The following SGIP1 variants were observed in gnomAD, a reference collection of about 807,000 sequenced individuals.
The protein encoded by SGIP1 is SH3GL interacting endocytic adaptor 1, also known as SH3-containing GRB2-like protein 3-interacting protein 1.
A neutral mutation model predicts 107.5 loss-of-function variants in SGIP1; 38 were observed. The ratio of observed to expected loss-of-function variants is 0.35; its 90% confidence interval spans 0.27 to 0.46. The LOEUF (loss-of-function observed/expected upper bound fraction) is 0.46, where lower values mean the gene tolerates loss of function less well. Ranked by LOEUF, SGIP1 falls within the 20% of genes least tolerant of loss-of-function variation. The pLI is 1.00. For missense variants in SGIP1, 929 were observed against 1,019.5 expected, an observed-to-expected ratio of 0.91 and a Z score of 1.21; for synonymous variants, 365 against 366.1, an observed-to-expected ratio of 1.00 and a Z score of 0.03.
intron 13 of SGIP1, among the ~76,000 whole-genome samples, chr1:66,679,423 C>T (rs1285885133): frequency 1.3e-5 from 2 of 152,192 alleles, no homozygotes; most frequent in Non-Finnish European, 2.9e-5. Flanking sequence ...ATCATATTTA[C>T]ATGAATAAAA....
intron 13 of SGIP1, among the ~76,000 whole-genome samples, chr1:66,679,123 G>C (rs1486125711): frequency 6.6e-6 from 1 of 152,140 alleles, no homozygotes; most frequent in Non-Finnish European, 1.5e-5. Flanking sequence ...CAGTTAGTTT[G>C]CTTCTAACTT....
upstream of SGIP1, chr1:66,534,139 C>G (rs1166756568): frequency 1.7e-6 from 1 of 603,626 alleles, no homozygotes; most frequent in Non-Finnish European, 3.0e-6. Context: ...CCGTTCCTCT[C>G]CCTTTCTCTC....
At chr1:66,719,196 T>C in intron 18 of SGIP1, 98 bp from the exon 19 acceptor site, 1 of 698,296 alleles carries the variant, frequency 1.4e-6, no homozygotes, top group African/African-American at 1.8e-5. Flanking sequence ...CATTAAGGGG[T>C]AGATTTTATT....
intron 18 of SGIP1, among the ~76,000 whole-genome samples, chr1:66,706,398 G>A (rs2092513466): frequency 6.9e-6 from 1 of 144,220 alleles, no homozygotes. Context: ...ATATAAAATA[G>A]TTATATATAA....
rs548963052 is a variant in SGIP1 at position 66,583,878 on chromosome 1, G to T, written c.11-41969G>T. On this transcript the variant is annotated intron_variant, in intron 1 of 24. Coordinates refer to ENST00000371037, the MANE Select transcript of SGIP1 (RefSeq NM_032291.4). ...CCTGCTCAATAAATTTTTGTTGCAT[G>T]GCTTTAGCTTTGGTTCATAAAGGTT... 1.6e-4 allele frequency among the ~76,000 whole-genome samples: 24 copies of T among 152,192 alleles called. 1 individual carries two copies. The South Asian group carries it at 5.0e-3, about 32-fold the overall frequency.
intron 8 of SGIP1, chr1:66,667,094 C>T (rs545181739): frequency 6.5e-6 from 1 of 154,624 alleles, no homozygotes; most frequent in South Asian, 2.0e-4. Context: ...TTTTTGTACC[C>T]TAACTATGTG....
intron 9 of SGIP1, among the ~76,000 whole-genome samples, chr1:66,669,674 T>C (rs1030410776): frequency 6.6e-6 from 1 of 152,176 alleles, no homozygotes; most frequent in African/African-American, 2.4e-5. Context: ...TTAGAAAGTA[T>C]TTATAAATAG....
chr1:66,684,070 C>T (rs1260593671), intron 15 of SGIP1: 1 of 1,549,636 alleles, frequency 6.5e-7, no homozygotes, highest in Non-Finnish European at 8.7e-7. Flanking sequence ...TACAACACCA[C>T]CCTGTGGTAG....
intron 13 of SGIP1, among the ~76,000 whole-genome samples, chr1:66,678,235 TATGCAAGTGATC>T (rs1361950604): frequency 2.6e-5 from 4 of 152,242 alleles, no homozygotes; most frequent in Non-Finnish European, 4.4e-5. Flanking sequence ...AGACCTGAGC[TATGCAAGTGATC>T]CCTAGAAAAC....
At chr1:66,730,304 C>T (rs1227462866) in intron 20 of SGIP1, among the ~76,000 whole-genome samples, 1 of 151,752 alleles carries the variant, frequency 6.6e-6, no homozygotes, top group Non-Finnish European at 1.5e-5. Flanking sequence ...ACTATTAAAC[C>T]TGAATTTGAT....
intron 1 of SGIP1, among the ~76,000 whole-genome samples, chr1:66,614,742 T>C (rs2068792687): frequency 6.6e-6 from 1 of 150,468 alleles, no homozygotes; most frequent in South Asian, 2.1e-4. Flanking sequence ...TTTATCTACC[T>C]CTCTGCCTCC....
At chr1:66,713,719 A>C (rs540185452) in intron 18 of SGIP1, among the ~76,000 whole-genome samples, 1 of 152,074 alleles carries the variant, frequency 6.6e-6, no homozygotes, top group African/African-American at 2.4e-5. Context: ...CACAATGTCT[A>C]ATTATTACAG....
intron 9 of SGIP1, among the ~76,000 whole-genome samples, chr1:66,669,272 C>T (rs2083253981): frequency 6.6e-6 from 1 of 152,210 alleles, no homozygotes; most frequent in East Asian, 1.9e-4. Flanking sequence ...TGAATTGACA[C>T]ACCTGGGAAT....
chr1:66,742,091 A>G (rs1300318795), intron 24 of SGIP1, among the ~76,000 whole-genome samples: 1 of 152,118 alleles, frequency 6.6e-6, no homozygotes, highest in East Asian at 1.9e-4. Flanking sequence ...ATCTCCCACC[A>G]GAAAACTTTT....
intron 1 of SGIP1, among the ~76,000 whole-genome samples, chr1:66,544,476 A>C (rs2055848473): frequency 6.6e-6 from 1 of 152,194 alleles, no homozygotes; most frequent in Non-Finnish European, 1.5e-5. Flanking sequence ...ACTTGAAGCC[A>C]GGAGTTAATA....
intron 1 of SGIP1, among the ~76,000 whole-genome samples, chr1:66,565,517 G>A (rs567090814): frequency 1.6e-4 from 25 of 151,880 alleles, no homozygotes; most frequent in Admixed American, 1.3e-4. Flanking sequence ...GATTAATTGG[G>A]GACAATAGAG....
intron 1 of SGIP1, among the ~76,000 whole-genome samples, chr1:66,618,481 A>G (rs2070034173): frequency 1.3e-5 from 2 of 152,346 alleles, no homozygotes; most frequent in South Asian, 4.1e-4. Flanking sequence ...TCTTCTGTGC[A>G]CTAGGTACTG....
intron 1 of SGIP1, among the ~76,000 whole-genome samples, chr1:66,542,054 G>A (rs1489028405): frequency 6.6e-5 from 10 of 151,966 alleles, no homozygotes; most frequent in Admixed American, 5.2e-4. Context: ...GATCCCCAGC[G>A]GATGCCTGAA....
rs547253321 is a variant in SGIP1 at position 66,614,239 on chromosome 1, G to A, written c.11-11608G>A. Among the ~76,000 whole-genome samples the A allele has an allele frequency of 5.3e-5, 8 of 152,314 alleles. No individual in the cohort carries two copies. In the East Asian group the frequency reaches 1.4e-3, roughly 26 times the overall value. On this transcript the variant is annotated intron_variant, in intron 1 of 24. Transcript: ENST00000371037. ...AAGGGATGGCTTAATAAATCTGCAAGCCTGCCAAGGGTTAATTTTCCAAGA... is the reference window on the plus strand; with the variant it reads ...AAGGGATGGCTTAATAAATCTGCAAACCTGCCAAGGGTTAATTTTCCAAGA...
Sources: gnomAD v4.1 joint callset for allele counts (sites outside exome capture counted in the v4.1 genomes callset) on GRCh38, gnomAD v4.1.1 for gene constraint, MANE v1.5 for transcripts, NCBI Gene and HGNC (gene_info 2026-07-23, HGNC 2026-07-21) for gene names.